Variants in COMMD10 observed in about 807,000 individuals in gnomAD.
COMMD10 encodes COMM domain-containing protein 10.
In COMMD10, 33 loss-of-function variants were observed where a neutral mutation model predicts 28.9. The observed-to-expected ratio is 1.14, with a 90% CI of 0.87 to 1.53. The LOEUF (loss-of-function observed/expected upper bound fraction) is 1.53, where lower values mean the gene tolerates loss of function less well. Ranked by LOEUF, COMMD10 falls within the 40% of genes most tolerant of loss-of-function variation. The pLI, the probability that COMMD10 is intolerant of heterozygous loss-of-function variation, is 0.00. For missense variants in COMMD10, 310 were observed against 233.4 expected (o/e 1.33, Z -2.14); for synonymous variants, 110 against 81.7 (o/e 1.35, Z -1.87).
chr5:116,217,925 AG>A (rs1749148013), intron 5 of COMMD10: 1 of 702,848 alleles, frequency 1.4e-6, no homozygotes, highest in East Asian at 2.5e-5. Flanking sequence ...AAAAAAAAAA[AG>A]TAAAACAAAA....
intron 5 of COMMD10, among the ~76,000 whole-genome samples, chr5:116,208,640 T>C (rs1356605047): frequency 1.3e-5 from 2 of 152,216 alleles, no homozygotes; most frequent in Non-Finnish European, 2.9e-5. Context: ...GTGATTTCAG[T>C]GGAGGTGAGC....
chr5:116,250,999 G>GTTCCTGCCTTAAGTGAAA (rs1750096740), intron 5 of COMMD10, among the ~76,000 whole-genome samples: 3 of 151,938 alleles, frequency 2.0e-5, no homozygotes, highest in Non-Finnish European at 4.4e-5. Context: ...TTTCCTACCA[G>GTTCCTGCCTTAAGTGAAA]TTCCTGCCTT....
intron 5 of COMMD10, among the ~76,000 whole-genome samples, chr5:116,202,671 G>A (rs1328460108): frequency 3.3e-5 from 5 of 151,864 alleles, no homozygotes; most frequent in African/African-American, 1.2e-4. Context: ...TCTTTTGGCT[G>A]CATCAGTGTC....
At chr5:116,162,374 C>CT (rs753118125) in intron 5 of COMMD10, among the ~76,000 whole-genome samples, 2 of 151,694 alleles carry the variant, frequency 1.3e-5, no homozygotes, top group Non-Finnish European at 2.9e-5. Context: ...TTTATGAAAT[C>CT]TTTTTTGCTA....
At chr5:116,257,574 A>T (rs967092005) in intron 5 of COMMD10, among the ~76,000 whole-genome samples, 8 of 151,734 alleles carry the variant, frequency 5.3e-5, no homozygotes, top group Non-Finnish European at 1.0e-4. Context: ...AGTAAATGGA[A>T]GGCTCATTTA....
chr5:116,188,337 A>T (rs1748212609), intron 5 of COMMD10: 1 of 152,052 alleles, frequency 6.6e-6, no homozygotes, highest in Non-Finnish European at 1.5e-5. Flanking sequence ...TTTTTGCTAG[A>T]ATTAGAGCTA....
rs1215479730 is a variant in COMMD10 at position 116,087,549 on chromosome 5, C to T, written c.94C>T (p.Arg32Trp). 9 of 1,612,258 alleles carry T rather than the reference C, an allele frequency of 5.6e-6. No homozygotes were observed. Among genetic ancestry groups the T allele is most frequent in the Admixed American group, 1.7e-5 (1 of 60,010 alleles). The change falls in exon 2 of 7, where the codon CGG becomes TGG. Residue 32 changes from arginine (R) to tryptophan (W), a missense_variant. Arg to Trp is a moderately radical substitution (Grantham distance 101). Transcript: ENST00000274458. ...INAIDTGRFP[R>W]LLTRILQKLH... Reference sequence around the variant, plus strand: ...TGCAATAGATACAGGAAGATTTCCACGGTTGCTCACTCGGATTCTTCAAAA... The same window carrying T: ...TGCAATAGATACAGGAAGATTTCCATGGTTGCTCACTCGGATTCTTCAAAA...
chr5:116,284,544 G>GA (rs1177722546), intron 5 of COMMD10, among the ~76,000 whole-genome samples: 2 of 151,582 alleles, frequency 1.3e-5, no homozygotes, highest in East Asian at 1.9e-4. Flanking sequence ...TGACTCTGAG[G>GA]AAAAAAATAG....
rs779366908 is a variant in COMMD10 at position 116,134,058 on chromosome 5, T to A, written c.400-10T>A. 6.7e-7 allele frequency: 1 copy of A among 1,498,036 alleles called. No homozygotes were observed. Among genetic ancestry groups the A allele is most frequent in the South Asian group, 1.1e-5 (1 of 88,892 alleles). The allele number at this position is 1,498,036 out of a possible 1,614,324, so 92.8% of individuals were successfully genotyped here. A position where few individuals can be genotyped will look rare whatever the true frequency, so the allele number is the denominator to read the frequency against. On this transcript the variant is annotated splice_polypyrimidine_tract_variant and intron_variant, in intron 4 of 6. Transcript: ENST00000274458. ...ACCATCTGATTCCAATCTGCACCTGTCTTTTATAGCTAGAGACCGTTGGAT... is the reference window on the plus strand; with the variant it reads ...ACCATCTGATTCCAATCTGCACCTGACTTTTATAGCTAGAGACCGTTGGAT...
At chr5:116,092,444 T>G (rs1463894548) in intron 3 of COMMD10, 101 bp from the exon 4 acceptor site, 3 of 815,202 alleles carry the variant, frequency 3.7e-6, no homozygotes, top group Non-Finnish European at 5.3e-6. Flanking sequence ...TGAAGTTTTC[T>G]TTTGACTTAA....
At chr5:116,286,731 T>A (rs1751229788) in intron 5 of COMMD10, among the ~76,000 whole-genome samples, 1 of 151,866 alleles carries the variant, frequency 6.6e-6, no homozygotes. Context: ...AGATACTTTG[T>A]ATGATTTCAG....
chr5:116,244,496 A>G (rs189738760), intron 5 of COMMD10, among the ~76,000 whole-genome samples: 10 of 152,108 alleles, frequency 6.6e-5, no homozygotes, highest in East Asian at 1.9e-4. Flanking sequence ...TTAAAATACA[A>G]TGATATATGT....
At chr5:116,273,112 C>G (rs1410217871) in intron 5 of COMMD10, among the ~76,000 whole-genome samples, 1 of 151,798 alleles carries the variant, frequency 6.6e-6, no homozygotes, top group African/African-American at 2.4e-5. Flanking sequence ...TAGAAGAATT[C>G]AGTTTGCTCT....
intron 5 of COMMD10, among the ~76,000 whole-genome samples, chr5:116,274,547 GTA>G (rs1315403575): frequency 2.0e-5 from 3 of 151,676 alleles, no homozygotes; most frequent in Non-Finnish European, 2.9e-5. Context: ...TTTTCTTACT[GTA>G]TACTCATTCC....
intron 2 of COMMD10, among the ~76,000 whole-genome samples, chr5:116,089,588 A>T (rs1170903340): frequency 6.6e-6 from 1 of 152,200 alleles, no homozygotes; most frequent in Non-Finnish European, 1.5e-5. Context: ...ACTCTCAGTC[A>T]TGTATGGAGT....
At chr5:116,102,799 A>G (rs1750708785) in intron 4 of COMMD10, among the ~76,000 whole-genome samples, 1 of 152,078 alleles carries the variant, frequency 6.6e-6, no homozygotes, top group African/African-American at 2.4e-5. Flanking sequence ...TATTTCTCCT[A>G]ATGCTATCCC....
chr5:116,183,609 T>C (rs192412248), intron 5 of COMMD10, among the ~76,000 whole-genome samples: 8 of 152,254 alleles, frequency 5.3e-5, no homozygotes. Context: ...GAGAGTGCTG[T>C]TTCTTTATAT....
chr5:116,112,488 C>G (rs531963888), intron 4 of COMMD10, among the ~76,000 whole-genome samples: 24 of 152,136 alleles, frequency 1.6e-4, no homozygotes, highest in Admixed American at 2.6e-4. Flanking sequence ...CCTCCGTCTC[C>G]CAGGTTCAAG....
At chr5:116,196,599 A>C (rs1413382034) in intron 5 of COMMD10, among the ~76,000 whole-genome samples, 1 of 151,626 alleles carries the variant, frequency 6.6e-6, no homozygotes, top group African/African-American at 2.4e-5. Context: ...AAGAGTCAGG[A>C]TTATGGAGTT....
Sources: allele counts gnomAD v4.1 joint callset (sites outside exome capture counted in the v4.1 genomes callset), GRCh38; gene constraint gnomAD v4.1.1; transcripts MANE v1.5; gene names NCBI Gene and HGNC (gene_info 2026-07-23, HGNC 2026-07-21).